Variants in GATB observed in about 807,000 individuals in gnomAD.
GATB encodes glutamyl-tRNA(Gln) amidotransferase subunit B, mitochondrial.
GATB carries 39 observed loss-of-function variants against 62.3 expected under a neutral mutation model. The ratio of observed to expected loss-of-function variants is 0.63; its 90% CI spans 0.48 to 0.82. GATB has a LOEUF of 0.82. Among genes scored for constraint, GATB ranks in the 40% least tolerant of loss-of-function variants. The pLI is 0.00. For missense variants in GATB, 670 were observed against 684.0 expected (o/e 0.98, Z 0.23); for synonymous variants, 276 against 258.9 (o/e 1.07, Z -0.63).
chr4:151,748,389 C>G (rs1382664395), intron 2 of GATB, among the ~76,000 whole-genome samples: 2 of 152,192 alleles, frequency 1.3e-5, no homozygotes, highest in Non-Finnish European at 2.9e-5. Flanking sequence ...TTTGACAAAA[C>G]TGACAAAAAC....
At chr4:151,723,337 G>C (rs774877184) in intron 2 of GATB, 1 of 152,176 alleles carries the variant, frequency 6.6e-6, no homozygotes, top group Non-Finnish European at 1.5e-5. Flanking sequence ...GTTTGGTCAG[G>C]GTGACACATG....
At chr4:151,746,428 A>G (rs1333432512) in intron 2 of GATB, among the ~76,000 whole-genome samples, 2 of 152,250 alleles carry the variant, frequency 1.3e-5, no homozygotes, top group Admixed American at 1.3e-4. Flanking sequence ...GTTAAATAGG[A>G]AATAACTAAC....
intron 9 of GATB, chr4:151,691,752 C>T (rs1015744899): frequency 1.3e-5 from 2 of 152,242 alleles, no homozygotes; most frequent in Non-Finnish European, 2.9e-5. Context: ...CTAAGTCACA[C>T]ACCCTGTGAA....
At chr4:151,717,767 C>T (rs929822237) in intron 3 of GATB, among the ~76,000 whole-genome samples, 2 of 152,182 alleles carry the variant, frequency 1.3e-5, no homozygotes, top group Non-Finnish European at 2.9e-5. Context: ...GGCACCAATA[C>T]GCACTAAAGA....
At chr4:151,742,446 C>T (rs1386746984) in intron 2 of GATB, among the ~76,000 whole-genome samples, 2 of 152,194 alleles carry the variant, frequency 1.3e-5, no homozygotes, top group African/African-American at 4.8e-5. Context: ...AAGGTGCCTT[C>T]CCTGCTCCAT....
intron 5 of GATB, among the ~76,000 whole-genome samples, chr4:151,711,426 T>G (rs1254581579): frequency 3.3e-5 from 5 of 152,220 alleles, no homozygotes; most frequent in Admixed American, 6.5e-5. Context: ...CTGCTCCTTC[T>G]GCTTCTGGCA....
intron 10 of GATB, among the ~76,000 whole-genome samples, chr4:151,687,894 A>C (rs1738283332): frequency 1.3e-5 from 2 of 152,144 alleles, no homozygotes; most frequent in Non-Finnish European, 1.5e-5. Flanking sequence ...TGCTGAAGCC[A>C]CCCAGTCTAT....
At chr4:151,680,189 G>T (rs930054882) in intron 10 of GATB, among the ~76,000 whole-genome samples, 5 of 151,796 alleles carry the variant, frequency 3.3e-5, no homozygotes, top group Non-Finnish European at 1.5e-5. Context: ...AAAGGAGGTG[G>T]CTGCAAAATT....
rs201687067 is a variant in GATB at position 151,697,967 on chromosome 4, A to ATATATATATATATATGTG, written c.1197+3361_1197+3362insCACATATATATATATATA. Among the ~76,000 whole-genome samples the ATATATATATATATATGTG allele has an allele frequency of 4.5e-3, 462 of 101,764 alleles. 20 individuals are homozygous for ATATATATATATATATGTG. The South Asian group carries it at 0.053, about 12-fold the overall frequency. The allele number at this position is 101,764 out of a possible 152,430, so 66.8% of individuals were successfully genotyped here. A position where few individuals can be genotyped will look rare whatever the true frequency, so the allele number is the denominator to read the frequency against. On this transcript the variant is annotated intron_variant, in intron 9 of 12. Transcript: ENST00000263985. Reference sequence around the variant, plus strand: ...TGTGTGTGTGTGTATATATATATATATATATATATATATATATATATATAT... The same window carrying ATATATATATATATATGTG: ...TGTGTGTGTGTGTATATATATATATATATATATATATATATGTGTATATATATATATATATATATATAT...
chr4:151,753,664 T>C (rs1739765079), intron 2 of GATB, among the ~76,000 whole-genome samples: 1 of 152,186 alleles, frequency 6.6e-6, no homozygotes, highest in Admixed American at 6.5e-5. Flanking sequence ...TCATCAGCAT[T>C]TTTAAAAAAT....
rs1739772438 is a variant in GATB, at chr4:151,754,045, C to G, written c.327+4727G>C. On this transcript the variant is annotated intron_variant, in intron 2 of 12. Transcript: ENST00000263985. The stretch of plus-strand genomic sequence containing the variant: ...ACTTCCTAGTCCTCACTTTACTTGA[C>G]CTCTCAGTAGCATCCAATGTTCTTG... Among the ~76,000 whole-genome samples, 3 of 152,190 alleles carry G rather than the reference C, an allele frequency of 2.0e-5. No individual in the cohort carries two copies. The South Asian group carries it at 6.2e-4, about 32-fold the overall frequency.
chr4:151,734,293 C>T (rs191928396), intron 2 of GATB, among the ~76,000 whole-genome samples: 265 of 150,452 alleles, frequency 1.8e-3, no homozygotes, highest in Non-Finnish European at 3.0e-3. Flanking sequence ...TTCTATATAG[C>T]AACAGTGACC....
rs1578895627 is a variant in GATB, at chr4:151,680,020, A to G, written c.1332-129T>C. 3 of 730,936 alleles carry G rather than the reference A, an allele frequency of 4.1e-6. No individual in the cohort carries two copies. In the East Asian group the frequency reaches 7.8e-5, roughly 19 times the overall value. 45.3% of individuals were successfully genotyped at this position (730,936 alleles called of 1,614,324 possible). The stretch of plus-strand genomic sequence containing the variant: ...CGGACCCACGCCTAGGGATGAAAAC[A>G]GCAGGCCAACTGGGCTCTCTTTTAT... On this transcript the variant is annotated intron_variant, in intron 10 of 12. Coordinates refer to ENST00000263985, the MANE Select transcript of GATB (RefSeq NM_004564.3).
chr4:151,749,262 A>C (rs1490652607), intron 2 of GATB, among the ~76,000 whole-genome samples: 1 of 152,214 alleles, frequency 6.6e-6, no homozygotes, highest in Non-Finnish European at 1.5e-5. Flanking sequence ...AACCAACCCA[A>C]ATGCCCAACA....
intron 2 of GATB, among the ~76,000 whole-genome samples, chr4:151,732,108 G>A (rs1160536709): frequency 3.5e-5 from 5 of 142,790 alleles, no homozygotes; most frequent in African/African-American, 5.3e-5. Context: ...GAGGTGGGGG[G>A]AGCCTCCGCC....
intron 2 of GATB, among the ~76,000 whole-genome samples, chr4:151,738,484 C>A (rs1322267167): frequency 6.6e-6 from 1 of 152,190 alleles, no homozygotes; most frequent in African/African-American, 2.4e-5. Flanking sequence ...CCTCCCCAGC[C>A]AGGTGGAATG....
intron 11 of GATB, chr4:151,673,103 G>A: frequency 1.8e-6 from 1 of 560,586 alleles, no homozygotes. Context: ...GTGCAGGGCT[G>A]GGGAACAAGG....
intron 2 of GATB, among the ~76,000 whole-genome samples, chr4:151,752,709 T>C (rs1463973129): frequency 6.6e-6 from 1 of 152,232 alleles, no homozygotes; most frequent in African/African-American, 2.4e-5. Flanking sequence ...TTTTTAAGTA[T>C]TCTTTTACCC....
chr4:151,744,518 G>C (rs560039667), intron 2 of GATB, among the ~76,000 whole-genome samples: 1 of 152,276 alleles, frequency 6.6e-6, no homozygotes, highest in African/African-American at 2.4e-5. Context: ...GCGAGGTGGA[G>C]GCAGGAGGAC....
Sources: allele counts gnomAD v4.1 joint callset (sites outside exome capture counted in the v4.1 genomes callset), GRCh38; gene constraint gnomAD v4.1.1; transcripts MANE v1.5; gene names NCBI Gene and HGNC (gene_info 2026-07-23, HGNC 2026-07-21).